EPHA7: variants seen among roughly 807,000 people sequenced by gnomAD.
EPHA7 encodes ephrin type-A receptor 7.
A neutral mutation model predicts 112.6 loss-of-function variants in EPHA7; 25 were observed. That is an observed-to-expected ratio of 0.22 (90% CI 0.16 to 0.31). The LOEUF is 0.31. EPHA7 is among the 10% of genes least tolerant of loss of function. EPHA7 has a pLI of 1.00. For synonymous variants in EPHA7, 437 were observed against 406.5 expected (o/e 1.07, Z -0.90); for missense variants, 962 against 1,212.6 (o/e 0.79, Z 3.07).
At chr6:93,306,202 G>A (rs1333501152) in intron 5 of EPHA7, among the ~76,000 whole-genome samples, 3 of 151,792 alleles carry the variant, frequency 2.0e-5, no homozygotes, top group South Asian at 4.1e-4. Flanking sequence ...AAAGTCTCCC[G>A]AAATCCCAGT....
At chr6:93,313,184 C>T (rs367930436) in intron 5 of EPHA7, among the ~76,000 whole-genome samples, 39 of 152,128 alleles carry the variant, frequency 2.6e-4, no homozygotes, top group South Asian at 1.5e-3. Flanking sequence ...GTAAAAAATG[C>T]GATATCTGCA....
At chr6:93,249,936 T>A (rs998952784) in intron 14 of EPHA7, among the ~76,000 whole-genome samples, 5 of 152,260 alleles carry the variant, frequency 3.3e-5, no homozygotes, top group African/African-American at 1.2e-4. Context: ...GAAAAATAAG[T>A]TAATGAACCT....
At chr6:93,377,047 T>C (rs1003723482) in intron 3 of EPHA7, among the ~76,000 whole-genome samples, 1 of 152,180 alleles carries the variant, frequency 6.6e-6, no homozygotes, top group African/African-American at 2.4e-5. Context: ...AATTTTCTTA[T>C]CTATGGAATA....
Position 93,356,892 on chromosome 6 carries a change from C to T in EPHA7, c.1149G>A (p.Gly383=). Residue 383 remains glycine, a synonymous_variant, in exon 5 of 17, where the codon GGG becomes GGA. Transcript: ENST00000369303. The part of the protein sequence containing the change: ...SWEQGECVPC[G]SNIGYMPQQT... Reference sequence around the variant, plus strand: ...GCTGGGGCATGTATCCAATGTTACTCCCACAGGGAACACATTCGCCCTGCT... The same window carrying T: ...GCTGGGGCATGTATCCAATGTTACTTCCACAGGGAACACATTCGCCCTGCT... 2 of 1,614,090 alleles carry T rather than the reference C, an allele frequency of 1.2e-6. No individual in the cohort carries two copies. Among genetic ancestry groups the T allele is most frequent in the Non-Finnish European group, 1.7e-6 (2 of 1,179,996 alleles).
At chr6:93,294,839 A>AT (rs1772571246) in intron 5 of EPHA7, among the ~76,000 whole-genome samples, 2 of 152,204 alleles carry the variant, frequency 1.3e-5, no homozygotes, top group South Asian at 4.1e-4. Flanking sequence ...TAAAATCAGT[A>AT]CTTTTTCTTT....
At chr6:93,348,387 C>T (rs992361494) in intron 5 of EPHA7, among the ~76,000 whole-genome samples, 1 of 151,738 alleles carries the variant, frequency 6.6e-6, no homozygotes, top group Admixed American at 6.6e-5. Flanking sequence ...TATTATGTTC[C>T]TAGGTACTAA....
chr6:93,419,363 T>G lies in EPHA7; in HGVS notation c.-22A>C. 1 of 1,593,060 alleles carries G rather than the reference T, an allele frequency of 6.3e-7. No homozygotes were observed. Reference sequence around the variant, plus strand: ...CCATGGTGCATGAGCAGGTTTTATTTTAGGTTTCAGTTATCTTGAGTCGTG... The same window carrying G: ...CCATGGTGCATGAGCAGGTTTTATTGTAGGTTTCAGTTATCTTGAGTCGTG... On this transcript the variant is annotated 5_prime_UTR_variant, in exon 1 of 17. Coordinates refer to ENST00000369303, the MANE Select transcript of EPHA7 (RefSeq NM_004440.4).
At chr6:93,361,082 T>C (rs548008665) in intron 3 of EPHA7, among the ~76,000 whole-genome samples, 68 of 152,212 alleles carry the variant, frequency 4.5e-4, no homozygotes, top group African/African-American at 1.5e-3. Context: ...TAAACAGATA[T>C]TGTCAATTTC....
Position 93,243,488 on chromosome 6 carries a change from T to C in EPHA7, c.2935A>G (p.Ser979Gly). ...TGTGCTCTCATAGTCTGAATGCTGC[T>C]CATGATTTTCTTTTGATGACCAACC... ...TLVGHQKKIM[S>G]SIQTMRAQML... is the part of the protein sequence containing the mutation. The change falls in exon 17 of 17, where the codon AGC becomes GGC. Residue 979 changes from serine to glycine, a missense_variant. Ser to Gly is a moderately conservative substitution (Grantham distance 56). Coordinates refer to ENST00000369303, the MANE Select transcript of EPHA7 (RefSeq NM_004440.4). The C allele has an allele frequency of 1.2e-6, 2 of 1,613,626 alleles. No homozygotes were observed. The highest frequency in any genetic ancestry group is 8.5e-7 in the Non-Finnish European group (1 of 1,179,644).
chr6:93,251,156 T>A (rs550964900), intron 14 of EPHA7, among the ~76,000 whole-genome samples: 14 of 152,182 alleles, frequency 9.2e-5, no homozygotes, highest in Middle Eastern at 3.4e-3. Context: ...ACTTCACTTA[T>A]GAGATTTTGG....
At chr6:93,402,763 T>G (rs966869275) in intron 3 of EPHA7, among the ~76,000 whole-genome samples, 1 of 152,028 alleles carries the variant, frequency 6.6e-6, no homozygotes, top group African/African-American at 2.4e-5. Context: ...ATTTATAATA[T>G]ATAATTTGGA....
intron 3 of EPHA7, among the ~76,000 whole-genome samples, chr6:93,384,917 T>A (rs1777525537): frequency 6.6e-6 from 1 of 152,130 alleles, no homozygotes; most frequent in African/African-American, 2.4e-5. Context: ...ACCCAGAGAT[T>A]TGGAATATGA....
At chr6:93,325,668 G>C (rs917764843) in intron 5 of EPHA7, among the ~76,000 whole-genome samples, 6 of 151,222 alleles carry the variant, frequency 4.0e-5, no homozygotes, top group African/African-American at 1.5e-4. Flanking sequence ...TCTTGGTATT[G>C]AAAACAGGTG....
At chr6:93,337,081 A>G (rs1774915553) in intron 5 of EPHA7, among the ~76,000 whole-genome samples, 1 of 152,162 alleles carries the variant, frequency 6.6e-6, no homozygotes, top group South Asian at 2.1e-4. Flanking sequence ...TACAGTGAGA[A>G]TCTTCACAGA....
chr6:93,402,164 A>G (rs1778464492), intron 3 of EPHA7, among the ~76,000 whole-genome samples: 1 of 151,970 alleles, frequency 6.6e-6, no homozygotes, highest in South Asian at 2.1e-4. Flanking sequence ...TTAGTTTCCT[A>G]TTTCCTTCCG....
At chr6:93,332,144 A>G (rs1204962289) in intron 5 of EPHA7, among the ~76,000 whole-genome samples, 1 of 151,620 alleles carries the variant, frequency 6.6e-6, no homozygotes, top group Non-Finnish European at 1.5e-5. Context: ...TTCAAAGTGT[A>G]TTTACAGTGA....
chr6:93,325,407 C>T (rs1472315875), intron 5 of EPHA7, among the ~76,000 whole-genome samples: 1 of 151,088 alleles, frequency 6.6e-6, no homozygotes, highest in African/African-American at 2.4e-5. Flanking sequence ...TAATATAGGC[C>T]AAACCAGTGA....
intron 5 of EPHA7, among the ~76,000 whole-genome samples, chr6:93,353,327 A>G (rs6910278): frequency 0.023 from 3,470 of 152,220 alleles, 141 homozygotes; most frequent in African/African-American, 0.078. Flanking sequence ...TGTTCATGAT[A>G]AGTAAATATT....
At chr6:93,362,346 T>C (rs893610615) in intron 3 of EPHA7, among the ~76,000 whole-genome samples, 6 of 152,082 alleles carry the variant, frequency 3.9e-5, no homozygotes. Context: ...TATATTACTG[T>C]TATGAAATAA....
Sources: allele counts gnomAD v4.1 joint callset (sites outside exome capture counted in the v4.1 genomes callset), GRCh38; gene constraint gnomAD v4.1.1; transcripts MANE v1.5; gene names NCBI Gene and HGNC (gene_info 2026-07-23, HGNC 2026-07-21).